AP1S3: variants seen among roughly 807,000 people sequenced by gnomAD.
AP1S3 encodes adaptor related protein complex 1 subunit sigma 3.
AP1S3 carries 10 observed loss-of-function variants against 20.9 expected under a neutral mutation model. That is an observed-to-expected ratio of 0.48 (90% CI 0.29 to 0.81). The LOEUF (loss-of-function observed/expected upper bound fraction) is 0.81, where lower values mean the gene tolerates loss of function less well. Among genes scored for constraint, AP1S3 ranks in the 30% least tolerant of loss-of-function variants. AP1S3 has a pLI of 0.08. For synonymous variants in AP1S3, 41 were observed against 61.5 expected, an observed-to-expected ratio of 0.67 and a Z score of 1.56; for missense variants, 154 against 183.8, an observed-to-expected ratio of 0.84 and a Z score of 0.94.
At chr2:223,780,580 C>A (rs1387477544) in intron 1 of AP1S3, among the ~76,000 whole-genome samples, 1 of 151,362 alleles carries the variant, frequency 6.6e-6, no homozygotes, top group East Asian at 1.9e-4. Flanking sequence ...GTGTGTGCCA[C>A]CATGCCCAGC....
intron 1 of AP1S3, among the ~76,000 whole-genome samples, chr2:223,820,813 ATGTC>A (rs1296836649): frequency 6.6e-6 from 1 of 152,168 alleles, no homozygotes; most frequent in East Asian, 1.9e-4. Context: ...TTGGGAGTAT[ATGTC>A]TGTTTCCCAA....
At chr2:223,814,659 T>G (rs1289624819) in intron 1 of AP1S3, among the ~76,000 whole-genome samples, 1 of 152,220 alleles carries the variant, frequency 6.6e-6, no homozygotes, top group Non-Finnish European at 1.5e-5. Context: ...ATATAGAAAC[T>G]ACTTAGTTAC....
intron 1 of AP1S3, among the ~76,000 whole-genome samples, chr2:223,801,740 G>C (rs142248001): frequency 2.6e-5 from 4 of 152,004 alleles, no homozygotes; most frequent in African/African-American, 9.7e-5. Flanking sequence ...CACTGCACCC[G>C]GCCCATGAGA....
intron 4 of AP1S3, among the ~76,000 whole-genome samples, chr2:223,760,844 C>T (rs900587437): frequency 4.6e-5 from 7 of 152,194 alleles, no homozygotes; most frequent in African/African-American, 1.7e-4. Flanking sequence ...TATTGTATGG[C>T]TACGTACTTT....
chr2:223,817,438 G>T (rs533666645), intron 1 of AP1S3, among the ~76,000 whole-genome samples: 1 of 151,702 alleles, frequency 6.6e-6, no homozygotes, highest in South Asian at 2.1e-4. Context: ...GAGAAACCCC[G>T]TCTCTACTAA....
At chr2:223,817,626 A>G (rs1025584704) in intron 1 of AP1S3, among the ~76,000 whole-genome samples, 2 of 150,200 alleles carry the variant, frequency 1.3e-5, no homozygotes, top group South Asian at 2.1e-4. Context: ...AAAAAAAAAG[A>G]AAAGAAAACT....
chr2:223,769,125 C>T (rs11899635), intron 3 of AP1S3, among the ~76,000 whole-genome samples: 28,103 of 152,102 alleles, frequency 0.18, 4,497 homozygotes, highest in East Asian at 0.41. Flanking sequence ...TTTATTTAAG[C>T]AGTTCCTTTA....
At chr2:223,770,348 A>G (rs1690589074) in intron 3 of AP1S3, 2 of 1,549,566 alleles carry the variant, frequency 1.3e-6, no homozygotes, top group Non-Finnish European at 1.7e-6. Flanking sequence ...CCTGACAGAT[A>G]CTAATGAAAA....
intron 4 of AP1S3, among the ~76,000 whole-genome samples, chr2:223,760,098 A>AC (rs1224971460): frequency 2.0e-5 from 3 of 152,120 alleles, no homozygotes; most frequent in African/African-American, 7.2e-5. Context: ...CAGGTTCTAT[A>AC]CCATGCAAGA....
chr2:223,805,130 T>C (rs1470537159), intron 1 of AP1S3, among the ~76,000 whole-genome samples: 2 of 152,200 alleles, frequency 1.3e-5, no homozygotes, highest in African/African-American at 2.4e-5. Flanking sequence ...AATGAAATAG[T>C]GACCACTGCA....
intron 1 of AP1S3, among the ~76,000 whole-genome samples, chr2:223,799,445 G>A (rs1042871406): frequency 6.6e-6 from 1 of 152,164 alleles, no homozygotes; most frequent in African/African-American, 2.4e-5. Flanking sequence ...CAGTGTTTAG[G>A]CCACCCAGCT....
In AP1S3 at chr2:223,755,744, T is replaced by C. The variant is rs1258840922; in HGVS notation, c.*2971A>G. 1.6e-6 allele frequency: 1 copy of C among 629,174 alleles called. No individual in the cohort carries two copies. The highest frequency in any genetic ancestry group is 1.4e-4 in the East Asian group (1 of 7,208). 39.0% of individuals were successfully genotyped at this position (629,174 alleles called of 1,614,324 possible). On this transcript the variant is annotated 3_prime_UTR_variant, in exon 5 of 5. Transcript: ENST00000396654. Reference sequence around the variant, plus strand: ...CAGGGTTTCACCATGTTGGCCAGGCTGGTCTCGAACTCCTGACCTCAGGTG... The same window carrying C: ...CAGGGTTTCACCATGTTGGCCAGGCCGGTCTCGAACTCCTGACCTCAGGTG...
chr2:223,770,123 A>G, intron 3 of AP1S3: 1 of 1,511,308 alleles, frequency 6.6e-7, no homozygotes, highest in Non-Finnish European at 8.8e-7. Context: ...TAAACAATAG[A>G]AAGAAACAAA....
At position 223,837,434 on chromosome 2, in the gene AP1S3, T is replaced by A; in HGVS notation, c.3+14A>T. ...CCCACCGCCTACCCGGGCCGGCGGT[T>A]CCCCCGCACTCACCATCGTGGCTGG... On this transcript the variant is annotated intron_variant, in intron 1 of 4. Transcript: ENST00000396654. 8.1e-7 allele frequency: 1 copy of A among 1,237,496 alleles called. No individual in the cohort carries two copies. The highest frequency in any genetic ancestry group is 1.0e-6 in the Non-Finnish European group (1 of 986,066). 76.7% of individuals were successfully genotyped at this position (1,237,496 alleles called of 1,614,324 possible).
In AP1S3 at chr2:223,758,657, C is replaced by T. The variant is rs142453419; in HGVS notation, c.*58G>A. 2.9e-5 allele frequency: 44 copies of T among 1,501,294 alleles called. No individual in the cohort carries two copies. In the East Asian group the frequency reaches 7.9e-4, roughly 27 times the overall value. The allele number at this position is 1,501,294 out of a possible 1,614,324, so 93.0% of individuals were successfully genotyped here. ...CTCCATCAAAAAACCGGATGGGAGGCGTTGCTTATTTACAGCTTCATAACA... is the reference window on the plus strand; with the variant it reads ...CTCCATCAAAAAACCGGATGGGAGGTGTTGCTTATTTACAGCTTCATAACA... On this transcript the variant is annotated 3_prime_UTR_variant, in exon 5 of 5. Coordinates refer to ENST00000396654, the MANE Select transcript of AP1S3 (RefSeq NM_001039569.2).
chr2:223,809,413 G>C (rs375854645), intron 1 of AP1S3, among the ~76,000 whole-genome samples: 1 of 152,102 alleles, frequency 6.6e-6, no homozygotes, highest in Admixed American at 6.5e-5. Flanking sequence ...GGGAGGCCAA[G>C]GCGGGCAGAT....
chr2:223,833,246 ATACATACATAC>A (rs1559150047), intron 1 of AP1S3, among the ~76,000 whole-genome samples: 92 of 150,824 alleles, frequency 6.1e-4, no homozygotes, highest in African/African-American at 2.1e-3. Flanking sequence ...GGCAAAATAC[ATACATACATAC>A]ATACATACAT....
intron 1 of AP1S3, among the ~76,000 whole-genome samples, chr2:223,814,557 G>A (rs1691802277): frequency 1.3e-5 from 2 of 152,032 alleles, no homozygotes; most frequent in South Asian, 4.1e-4. Flanking sequence ...TTGAACATGG[G>A]GCTAGTTTTC....
rs116350531 is a variant in AP1S3, at chr2:223,806,722, C to A, written c.4-28853G>T. Among the ~76,000 whole-genome samples the A allele has an allele frequency of 6.7e-3, 1,015 of 151,748 alleles. 16 individuals carry two copies. Among genetic ancestry groups the A allele is most frequent in the African/African-American group, 0.024 (982 of 41,352 alleles). ...ACATTCTTATAGATAAAAACATATA[C>A]CTGTGTGTGTGTGTGTGAGAAAGTG... On this transcript the variant is annotated intron_variant, in intron 1 of 4. Transcript: ENST00000396654.
Sources: allele counts gnomAD v4.1 joint callset (sites outside exome capture counted in the v4.1 genomes callset), GRCh38; gene constraint gnomAD v4.1.1; transcripts MANE v1.5; gene names NCBI Gene and HGNC (gene_info 2026-07-23, HGNC 2026-07-21).